Variants in OSBPL9 observed in about 807,000 individuals in gnomAD.
OSBPL9 encodes oxysterol-binding protein-related protein 9.
OSBPL9 carries 40 observed loss-of-function variants against 106.6 expected under a neutral mutation model. The observed-to-expected ratio is 0.38, with a 90% CI of 0.29 to 0.49. The LOEUF (loss-of-function observed/expected upper bound fraction) is 0.49. Among genes scored for constraint, OSBPL9 ranks in the 20% least tolerant of loss-of-function variants. The pLI is 0.97. For synonymous variants in OSBPL9, 269 were observed against 295.4 expected (o/e 0.91, Z 0.92); for missense variants, 609 against 887.2 (o/e 0.69, Z 3.98).
the OSBPL9 span, among the ~76,000 whole-genome samples, chr1:51,569,237 T>C: frequency 6.6e-6 from 1 of 152,212 alleles, no homozygotes; most frequent in African/African-American, 2.4e-5. Context: ...CTTATTGTAG[T>C]GTACCTGTGA....
At chr1:51,749,099 G>A (rs1300838395) in intron 7 of OSBPL9, among the ~76,000 whole-genome samples, 64 of 151,490 alleles carry the variant, frequency 4.2e-4, no homozygotes, top group Admixed American at 4.1e-3. Flanking sequence ...AAAAAAAAAA[G>A]TGATGGGATT....
chr1:51,717,839 T>A (rs1035850425), intron 4 of OSBPL9, among the ~76,000 whole-genome samples: 3 of 152,034 alleles, frequency 2.0e-5, no homozygotes, highest in African/African-American at 7.2e-5. Context: ...TACCATATAA[T>A]CCAGCAATCC....
At chr1:51,786,988 CA>C (rs1557881798) in intron 22 of OSBPL9, among the ~76,000 whole-genome samples, 1 of 152,170 alleles carries the variant, frequency 6.6e-6, no homozygotes, top group Non-Finnish European at 1.5e-5. Context: ...GTTCCTCTAA[CA>C]CTTACAGGTA....
intron 1 of OSBPL9, among the ~76,000 whole-genome samples, chr1:51,626,550 C>T (rs2148640868): frequency 6.6e-6 from 1 of 152,240 alleles, no homozygotes; most frequent in African/African-American, 2.4e-5. Context: ...CTCACTCTGT[C>T]ACCCAGGCTG....
chr1:51,773,429 A>G (rs1674377824), intron 14 of OSBPL9, among the ~76,000 whole-genome samples: 1 of 152,136 alleles, frequency 6.6e-6, no homozygotes, highest in Non-Finnish European at 1.5e-5. Flanking sequence ...AGTAGGTGTT[A>G]TTAACTTCAT....
intron 1 of OSBPL9, among the ~76,000 whole-genome samples, chr1:51,642,526 C>T (rs926591144): frequency 3.9e-5 from 6 of 152,052 alleles, no homozygotes; most frequent in Non-Finnish European, 1.5e-5. Context: ...GTCAATTGTC[C>T]TGCGTGAGTA....
At chr1:51,639,387 CAG>C (rs1645638007) in intron 1 of OSBPL9, among the ~76,000 whole-genome samples, 3 of 152,282 alleles carry the variant, frequency 2.0e-5, no homozygotes, top group Admixed American at 6.5e-5. Flanking sequence ...AATGTGGAAA[CAG>C]TGTTTACATT....
chr1:51,679,278 T>C (rs1225883817), intron 3 of OSBPL9, among the ~76,000 whole-genome samples: 2 of 152,220 alleles, frequency 1.3e-5, no homozygotes, highest in Non-Finnish European at 2.9e-5. Context: ...GCTTAATAGC[T>C]AGCAAGGTTA....
At chr1:51,786,491 G>C in intron 21 of OSBPL9, 35 bp from the exon 22 acceptor site, 1 of 1,407,118 alleles carries the variant, frequency 7.1e-7, no homozygotes, top group Middle Eastern at 1.8e-4. Flanking sequence ...AGGGGTTTAT[G>C]GGTCTAGTTC....
chr1:51,530,196 A>C, the OSBPL9 span, among the ~76,000 whole-genome samples: 2 of 137,172 alleles, frequency 1.5e-5, no homozygotes, highest in Non-Finnish European at 3.2e-5. Context: ...AAAAAAACAA[A>C]AAAAAAAAAC....
the OSBPL9 span, among the ~76,000 whole-genome samples, chr1:51,521,949 G>T: frequency 4.0e-5 from 6 of 151,856 alleles, no homozygotes; most frequent in South Asian, 4.2e-4. Context: ...TAGAGACAGG[G>T]TTTCACCGTG....
the OSBPL9 span, among the ~76,000 whole-genome samples, chr1:51,538,293 AAAAT>A: frequency 1.3e-5 from 2 of 152,162 alleles, no homozygotes; most frequent in Non-Finnish European, 2.9e-5. Context: ...CTCCATCTCA[AAAAT>A]AAATAAATAA....
chr1:51,549,122 C>T, the OSBPL9 span, among the ~76,000 whole-genome samples: 1 of 152,168 alleles, frequency 6.6e-6, no homozygotes. Context: ...CCACACCAGG[C>T]ACCAGTCTAC....
chr1:51,596,913 G>A (rs1202403976), intron 1 of OSBPL9, among the ~76,000 whole-genome samples: 1 of 152,188 alleles, frequency 6.6e-6, no homozygotes, highest in Non-Finnish European at 1.5e-5. Context: ...TTTCCAGTAG[G>A]GGACACAGAG....
intron 1 of OSBPL9, among the ~76,000 whole-genome samples, chr1:51,584,931 G>A (rs1645239520): frequency 6.6e-6 from 1 of 152,048 alleles, no homozygotes; most frequent in South Asian, 2.1e-4. Flanking sequence ...GGCATTTGGG[G>A]TTAGATGAGC....
upstream of OSBPL9, among the ~76,000 whole-genome samples, chr1:51,613,628 A>G (rs534200648): frequency 4.5e-4 from 68 of 152,362 alleles, 1 homozygote; most frequent in Middle Eastern, 0.034. Flanking sequence ...ATATCCAAAA[A>G]GAAACAGAAA....
intron 2 of OSBPL9, among the ~76,000 whole-genome samples, chr1:51,609,489 A>G (rs1470560713): frequency 3.4e-5 from 5 of 147,130 alleles, no homozygotes; most frequent in South Asian, 2.2e-4. Flanking sequence ...AACTACAGGT[A>G]TGTGCCACCA....
intron 3 of OSBPL9, among the ~76,000 whole-genome samples, chr1:51,700,923 CT>C (rs1657088096): frequency 6.6e-6 from 1 of 151,934 alleles, no homozygotes; most frequent in African/African-American, 2.4e-5. Flanking sequence ...TTTGTCAGTC[CT>C]TCTACACTTA....
At chr1:51,737,333 G>A (rs1260940014) in intron 4 of OSBPL9, among the ~76,000 whole-genome samples, 1 of 151,832 alleles carries the variant, frequency 6.6e-6, no homozygotes, top group African/African-American at 2.4e-5. Flanking sequence ...TTCTAAAAAT[G>A]TTCATAACCT....
Sources: allele counts gnomAD v4.1 joint callset (sites outside exome capture counted in the v4.1 genomes callset), GRCh38; gene constraint gnomAD v4.1.1; transcripts MANE v1.5; gene names NCBI Gene and HGNC (gene_info 2026-07-23, HGNC 2026-07-21).